Variants in LARGE1 observed in about 807,000 individuals in gnomAD.
LARGE1 encodes the protein LARGE xylosyl- and glucuronyltransferase 1.
LARGE1 carries 43 observed loss-of-function variants against 87.6 expected under a neutral mutation model. The observed-to-expected ratio is 0.49, with a 90% CI of 0.38 to 0.63. The LOEUF is 0.63. LARGE1 is among the 30% of genes least tolerant of loss of function. The pLI, the probability that LARGE1 is intolerant of heterozygous loss-of-function variation, is 0.00. For synonymous variants in LARGE1, 434 were observed against 394.6 expected (o/e 1.10, Z -1.18); for missense variants, 802 against 1,000.2 (o/e 0.80, Z 2.67).
intron 6 of LARGE1, among the ~76,000 whole-genome samples, chr22:33,528,290 G>T (rs968370265): frequency 1.3e-5 from 2 of 152,132 alleles, no homozygotes; most frequent in Non-Finnish European, 2.9e-5. Context: ...ACAGGCTGGG[G>T]ACTGTAGACT....
intron 6 of LARGE1, among the ~76,000 whole-genome samples, chr22:33,432,595 T>TGCATGCATG (rs2067118741): frequency 6.8e-6 from 1 of 147,138 alleles, no homozygotes; most frequent in Non-Finnish European, 1.5e-5. Context: ...ATTCATTCAT[T>TGCATGCATG]CATGCATGCA....
chr22:33,836,658 G>C (rs1054181712), intron 1 of LARGE1, among the ~76,000 whole-genome samples: 2 of 152,096 alleles, frequency 1.3e-5, no homozygotes, highest in African/African-American at 4.8e-5. Flanking sequence ...AAAAGAATGA[G>C]CTTCAGCAAC....
At chr22:33,798,812 A>C (rs1413752773) in intron 1 of LARGE1, among the ~76,000 whole-genome samples, 1 of 152,090 alleles carries the variant, frequency 6.6e-6, no homozygotes, top group Non-Finnish European at 1.5e-5. Flanking sequence ...CCCCACCCTA[A>C]ATCTTTCATC....
chr22:33,894,500 G>T (rs115171394), intron 1 of LARGE1, among the ~76,000 whole-genome samples: 3 of 152,084 alleles, frequency 2.0e-5, no homozygotes, highest in Non-Finnish European at 4.4e-5. Flanking sequence ...TCCCCTACCC[G>T]ACACTGTCCC....
At chr22:33,663,962 G>T (rs150742005) in intron 2 of LARGE1, among the ~76,000 whole-genome samples, 1 of 152,028 alleles carries the variant, frequency 6.6e-6, no homozygotes, top group Non-Finnish European at 1.5e-5. Context: ...TCTCCAATCT[G>T]CCCAGGGTGA....
intron 1 of LARGE1, among the ~76,000 whole-genome samples, chr22:33,840,217 G>A (rs1278236962): frequency 2.0e-5 from 3 of 151,854 alleles, no homozygotes; most frequent in East Asian, 1.9e-4. Flanking sequence ...GCACCAAATC[G>A]GCACCCCCTC....
At chr22:33,781,138 G>A (rs1009940244) in intron 1 of LARGE1, among the ~76,000 whole-genome samples, 1 of 152,092 alleles carries the variant, frequency 6.6e-6, no homozygotes, top group Non-Finnish European at 1.5e-5. Context: ...CATTTCCCAC[G>A]TCACTTGAAG....
intron 1 of LARGE1, among the ~76,000 whole-genome samples, chr22:33,788,630 T>C (rs2085726615): frequency 6.6e-6 from 1 of 152,086 alleles, no homozygotes; most frequent in South Asian, 2.1e-4. Context: ...TGGTCTCAGA[T>C]GGAGATAAGA....
Position 33,587,656 on chromosome 22 carries a change from T to G in LARGE1, c.615+16779A>C, listed in dbSNP as rs112157363. Among the ~76,000 whole-genome samples, 463 of 152,264 alleles carry G rather than the reference T, an allele frequency of 3.0e-3. 3 individuals are homozygous for G. The highest frequency in any genetic ancestry group is 0.011 in the African/African-American group (446 of 41,572). On this transcript the variant is annotated intron_variant, in intron 5 of 14. Transcript: ENST00000397394. ...TCCAATTTATTACTTGTCCTTTAATTTTGTTTCAGTTTATTCAGAATTTTC... is the reference window on the plus strand; with the variant it reads ...TCCAATTTATTACTTGTCCTTTAATGTTGTTTCAGTTTATTCAGAATTTTC...
intron 1 of LARGE1, among the ~76,000 whole-genome samples, chr22:33,833,085 C>T (rs1043930160): frequency 2.6e-5 from 4 of 152,156 alleles, no homozygotes; most frequent in African/African-American, 9.7e-5. Flanking sequence ...ACCCCAAGAG[C>T]ACTGTGCTCA....
At chr22:33,334,986 G>A (rs1938265938) in intron 10 of LARGE1, among the ~76,000 whole-genome samples, 1 of 152,206 alleles carries the variant, frequency 6.6e-6, no homozygotes, top group Non-Finnish European at 1.5e-5. Context: ...AAGCTGGTGA[G>A]TCACTCATAA....
Position 33,551,590 on chromosome 22 carries a change from A to G in LARGE1, c.787+13258T>C, listed in dbSNP as rs75298442. Among the ~76,000 whole-genome samples the G allele has an allele frequency of 3.4e-3, 523 of 152,338 alleles. 4 individuals are homozygous for G. The highest frequency in any genetic ancestry group is 0.012 in the African/African-American group (501 of 41,582). ...AACTGGCTTCTTTTCTTAGCACATG[A>G]TTCTAAAGGTGTGGACTTTATCTCC... On this transcript the variant is annotated intron_variant, in intron 6 of 14. Transcript: ENST00000397394.
rs573110609 is a variant in LARGE1 at position 33,756,566 on chromosome 22, G to C, written c.106+4805C>G. On this transcript the variant is annotated intron_variant, in intron 2 of 14. Coordinates refer to ENST00000397394, the MANE Select transcript of LARGE1 (RefSeq NM_133642.5). The stretch of plus-strand genomic sequence containing the variant: ...AGTAAGAGCAATAGAGGGTGTCAGG[G>C]AGAAGAAAGAACAGGTGGGAAGAGC... 7.3e-4 allele frequency among the ~76,000 whole-genome samples: 111 copies of C among 152,124 alleles called. 1 individual carries two copies. Among genetic ancestry groups the C allele is most frequent in the Non-Finnish European group, 1.3e-3 (89 of 68,034 alleles).
At chr22:33,706,242 G>C in intron 2 of LARGE1, among the ~76,000 whole-genome samples, 1 of 152,160 alleles carries the variant, frequency 6.6e-6, no homozygotes, top group East Asian at 1.9e-4. Context: ...TCTGGGAGCT[G>C]CTTCCCATTA....
chr22:33,351,812 G>A (rs1289387904), intron 9 of LARGE1, among the ~76,000 whole-genome samples: 1 of 151,896 alleles, frequency 6.6e-6, no homozygotes, highest in South Asian at 2.1e-4. Context: ...TGCAATCTTG[G>A]CTCACTGCAA....
At chr22:33,830,857 C>T (rs1390610891) in intron 1 of LARGE1, among the ~76,000 whole-genome samples, 1 of 152,168 alleles carries the variant, frequency 6.6e-6, no homozygotes, top group African/African-American at 2.4e-5. Flanking sequence ...TGTGCCCTCA[C>T]GTAGAAGAAG....
intron 1 of LARGE1, among the ~76,000 whole-genome samples, chr22:33,831,818 T>C (rs1237229846): frequency 6.6e-6 from 1 of 150,696 alleles, no homozygotes; most frequent in East Asian, 2.0e-4. Flanking sequence ...CCAAAGAGGA[T>C]AACGTTCAAG....
chr22:33,591,506 T>C (rs1333799823), intron 5 of LARGE1, among the ~76,000 whole-genome samples: 1 of 152,202 alleles, frequency 6.6e-6, no homozygotes, highest in Non-Finnish European at 1.5e-5. Flanking sequence ...AATTGGGTTG[T>C]TTTCTTATTA....
chr22:33,509,917 A>T (rs1381546256), intron 6 of LARGE1, among the ~76,000 whole-genome samples: 2 of 152,070 alleles, frequency 1.3e-5, no homozygotes, highest in African/African-American at 2.4e-5. Context: ...ACCTATGACA[A>T]TTTTGCATTT....
Sources: allele counts gnomAD v4.1 joint callset (sites outside exome capture counted in the v4.1 genomes callset), GRCh38; gene constraint gnomAD v4.1.1; transcripts MANE v1.5; gene names NCBI Gene and HGNC (gene_info 2026-07-23, HGNC 2026-07-21).